The following TMPRSS7 variants were observed in gnomAD, a reference collection of about 807,000 sequenced individuals.
TMPRSS7 encodes the protein transmembrane serine protease 7.
Under a neutral mutation model 95.6 loss-of-function variants are expected in TMPRSS7, and 81 were observed. That is an observed-to-expected ratio of 0.85 (90% CI 0.71 to 1.02). The LOEUF (loss-of-function observed/expected upper bound fraction) is 1.02, where lower values mean the gene tolerates loss of function less well. Among genes scored for constraint, TMPRSS7 ranks in the 50% least tolerant of loss-of-function variants. The pLI, the probability that TMPRSS7 is intolerant of heterozygous loss-of-function variation, is 0.00. For synonymous variants in TMPRSS7, 364 were observed against 337.8 expected, an observed-to-expected ratio of 1.08 and a Z score of -0.85; for missense variants, 945 against 955.2, an observed-to-expected ratio of 0.99 and a Z score of 0.14.
intron 4 of TMPRSS7, among the ~76,000 whole-genome samples, chr3:112,045,186 C>A (rs976373385): frequency 6.6e-6 from 1 of 152,126 alleles, no homozygotes; most frequent in Non-Finnish European, 1.5e-5. Context: ...CTCGCTCTGT[C>A]GCCCAGGCTG....
intron 15 of TMPRSS7, 128 bp from the exon 16 acceptor site, chr3:112,076,748 A>G (rs1469588936): frequency 7.2e-6 from 8 of 1,112,296 alleles, no homozygotes; most frequent in Non-Finnish European, 7.7e-6. Flanking sequence ...GGACAAAGCC[A>G]GTGACTATAA....
chr3:112,075,195 CCTCTAGATAAGGAGATT>C, intron 14 of TMPRSS7, 109 bp from the exon 15 acceptor site: 7 of 918,794 alleles, frequency 7.6e-6, no homozygotes, highest in Non-Finnish European at 1.1e-5. Context: ...TGTTCTCTGT[CCTCTAGATAAGGAGATT>C]TCAAATTGCT....
chr3:112,063,400 A>G (rs2073536693), intron 11 of TMPRSS7, 125 bp from the exon 12 acceptor site: 1 of 695,432 alleles, frequency 1.4e-6, no homozygotes, highest in Non-Finnish European at 2.5e-6. Flanking sequence ...TGAAGACACT[A>G]TGTAATTATT....
chr3:112,079,869 A>G (rs1195432928), intron 17 of TMPRSS7, among the ~76,000 whole-genome samples: 1 of 152,228 alleles, frequency 6.6e-6, no homozygotes, highest in East Asian at 1.9e-4. Flanking sequence ...TAAATTGCCT[A>G]AGGTCATACA....
At chr3:112,041,426 TTC>T (rs996688017) in intron 2 of TMPRSS7, among the ~76,000 whole-genome samples, 3 of 152,044 alleles carry the variant, frequency 2.0e-5, no homozygotes, top group African/African-American at 4.8e-5. Context: ...AGAGGAAATA[TTC>T]TCTCTCTCTC....
chr3:112,061,999 G>T, intron 11 of TMPRSS7, 76 bp downstream of exon 11: 1 of 1,206,664 alleles, frequency 8.3e-7, no homozygotes, highest in South Asian at 2.7e-5. Flanking sequence ...CAAACCGTGA[G>T]AATTTAAGAA....
intron 9 of TMPRSS7, among the ~76,000 whole-genome samples, 179 bp from the exon 10 acceptor site, chr3:112,056,846 G>A (rs1213907510): frequency 1.3e-5 from 2 of 152,184 alleles, no homozygotes; most frequent in Admixed American, 1.3e-4. Flanking sequence ...ATACATGGCT[G>A]CCTGCTTCCT....
At chr3:112,065,731 A>G (rs1445208844) in intron 12 of TMPRSS7, among the ~76,000 whole-genome samples, 1 of 152,224 alleles carries the variant, frequency 6.6e-6, no homozygotes, top group Non-Finnish European at 1.5e-5. Context: ...AAAACCAGAA[A>G]TGTCTAAGGA....
chr3:112,061,549 G>A (rs2073505560), intron 10 of TMPRSS7, among the ~76,000 whole-genome samples: 1 of 152,154 alleles, frequency 6.6e-6, no homozygotes, highest in South Asian at 2.1e-4. Flanking sequence ...GTGATGGTGA[G>A]GAAAGCAACA....
chr3:112,060,247 G>T (rs1468428755), intron 10 of TMPRSS7, among the ~76,000 whole-genome samples: 10 of 152,308 alleles, frequency 6.6e-5, no homozygotes, highest in African/African-American at 2.4e-4. Flanking sequence ...CACAGGACCG[G>T]GGCAAAATTA....
At chr3:112,066,484 G>A (rs966802141) in exon 13 of TMPRSS7, 4 of 1,613,732 alleles carry the variant, frequency 2.5e-6, no homozygotes, top group African/African-American at 1.3e-5. Context: ...TGGCCGGGAT[G>A]AGCAAAACTG....
chr3:112,040,754 G>C (rs1354448297), intron 2 of TMPRSS7, among the ~76,000 whole-genome samples: 2 of 152,194 alleles, frequency 1.3e-5, no homozygotes, highest in African/African-American at 2.4e-5. Flanking sequence ...AAACAGATCA[G>C]TACAAGCAAA....
chr3:112,060,696 G>T (rs1005731184), intron 10 of TMPRSS7, among the ~76,000 whole-genome samples: 17 of 152,168 alleles, frequency 1.1e-4, no homozygotes, highest in African/African-American at 3.9e-4. Flanking sequence ...AAACACACAT[G>T]CTCTACAAAC....
chr3:112,062,300 A>G (rs1338128199), intron 11 of TMPRSS7, among the ~76,000 whole-genome samples: 8 of 152,232 alleles, frequency 5.3e-5, no homozygotes, highest in Admixed American at 5.2e-4. Context: ...ATCCAAAGCC[A>G]ACACTTGTCA....
chr3:112,074,219 AGTT>A, intron 13 of TMPRSS7, 74 bp from the exon 14 acceptor site: 3 of 1,004,020 alleles, frequency 3.0e-6, no homozygotes, highest in Non-Finnish European at 3.1e-6. Context: ...TGGGGTTTGG[AGTT>A]ATTCATTCAA....
intron 2 of TMPRSS7, 42 bp from the exon 3 acceptor site, chr3:112,041,878 A>G (rs1157051396): frequency 2.2e-6 from 3 of 1,334,458 alleles, no homozygotes; most frequent in Admixed American, 3.9e-5. Flanking sequence ...ACTGCCACAC[A>G]GATGGGAAAG....
chr3:112,064,105 C>T (rs2073546024), intron 12 of TMPRSS7, among the ~76,000 whole-genome samples: 1 of 152,194 alleles, frequency 6.6e-6, no homozygotes, highest in Non-Finnish European at 1.5e-5. Flanking sequence ...GAAATTCACT[C>T]TGTACACCTT....
chr3:112,063,040 A>T (rs928036347), intron 11 of TMPRSS7, among the ~76,000 whole-genome samples: 18 of 152,318 alleles, frequency 1.2e-4, no homozygotes, highest in Admixed American at 1.2e-3. Flanking sequence ...GTGGTTACTA[A>T]TATGTTTTGG....
intron 17 of TMPRSS7, among the ~76,000 whole-genome samples, chr3:112,079,444 G>A (rs1284345874): frequency 6.6e-6 from 1 of 152,198 alleles, no homozygotes; most frequent in Non-Finnish European, 1.5e-5. Flanking sequence ...CCAACCCACG[G>A]CCCACAGGCC....
Sources: allele counts gnomAD v4.1 joint callset (sites outside exome capture counted in the v4.1 genomes callset), GRCh38; gene constraint gnomAD v4.1.1; transcripts MANE v1.5; gene names NCBI Gene and HGNC (gene_info 2026-07-23, HGNC 2026-07-21).